M1AP: variants seen among roughly 807,000 people sequenced by gnomAD.
M1AP encodes the protein meiosis 1 arrest protein.
M1AP carries 39 observed loss-of-function variants against 51.2 expected under a neutral mutation model. That is an observed-to-expected ratio of 0.76 (90% CI 0.59 to 1.00). M1AP has a LOEUF of 1.00. M1AP is among the 50% of genes least tolerant of loss of function. The pLI, the probability that M1AP is intolerant of heterozygous loss-of-function variation, is 0.00. For synonymous variants in M1AP, 251 were observed against 249.2 expected, an observed-to-expected ratio of 1.01 and a Z score of -0.07; for missense variants, 545 against 641.2, an observed-to-expected ratio of 0.85 and a Z score of 1.62.
Position 74,562,869 on chromosome 2 carries a change from T to G in M1AP, c.1075-446A>C, listed in dbSNP as rs182251883. On this transcript the variant is annotated intron_variant, in intron 7 of 10. Transcript: ENST00000421985. The stretch of plus-strand genomic sequence containing the variant: ...AGATCAAGGCTTCAGTGAGCCATGA[T>G]TGTACCACTGCACTCCAGCCTGGGT... 8.5e-5 allele frequency among the ~76,000 whole-genome samples: 13 copies of G among 152,174 alleles called. No homozygotes were observed. The East Asian group carries it at 2.1e-3, about 25-fold the overall frequency.
At chr2:74,571,214 A>T (rs1462823067) in intron 7 of M1AP, among the ~76,000 whole-genome samples, 1 of 152,202 alleles carries the variant, frequency 6.6e-6, no homozygotes, top group East Asian at 1.9e-4. Context: ...CAGGAAGTAA[A>T]GGAGAGTTAC....
intron 2 of M1AP, chr2:74,628,554 C>G: frequency 3.8e-6 from 2 of 531,414 alleles, no homozygotes; most frequent in Non-Finnish European, 3.6e-6. Flanking sequence ...GACTGTAAGT[C>G]CCAATCAAAA....
intron 5 of M1AP, among the ~76,000 whole-genome samples, chr2:74,580,181 G>A (rs1161273308): frequency 6.6e-6 from 1 of 152,134 alleles, no homozygotes; most frequent in African/African-American, 2.4e-5. Flanking sequence ...AATGACATAT[G>A]GTAACAGTAT....
chr2:74,631,292 G>A (rs1398944012), intron 2 of M1AP, among the ~76,000 whole-genome samples: 4 of 151,878 alleles, frequency 2.6e-5, no homozygotes, highest in South Asian at 2.1e-4. Flanking sequence ...TCATGATTAG[G>A]AAGGCCTGTA....
intron 4 of M1AP, among the ~76,000 whole-genome samples, chr2:74,605,888 G>A (rs1396003857): frequency 2.0e-5 from 3 of 150,056 alleles, no homozygotes; most frequent in African/African-American, 2.5e-5. Context: ...GCAACAGAGC[G>A]AGACTCCATC....
chr2:74,631,249 T>C (rs1682686619), intron 2 of M1AP, among the ~76,000 whole-genome samples: 1 of 152,200 alleles, frequency 6.6e-6, no homozygotes, highest in African/African-American at 2.4e-5. Flanking sequence ...TTACTGTATA[T>C]TTTATTTTTA....
chr2:74,615,687 G>A (rs1367634541), intron 2 of M1AP: 1 of 153,602 alleles, frequency 6.5e-6, no homozygotes, highest in Admixed American at 6.4e-5. Flanking sequence ...TCAGCTTAAG[G>A]AGCCAACATG....
At chr2:74,609,653 T>A (rs1480333559) in intron 3 of M1AP, among the ~76,000 whole-genome samples, 1 of 152,244 alleles carries the variant, frequency 6.6e-6, no homozygotes, top group Non-Finnish European at 1.5e-5. Flanking sequence ...CCATAGTGGC[T>A]GTACTAATTT....
chr2:74,640,507 C>G (rs569521414), intron 1 of M1AP, among the ~76,000 whole-genome samples, 180 bp from the exon 2 acceptor site: 1 of 148,296 alleles, frequency 6.7e-6, no homozygotes, highest in East Asian at 2.0e-4. Context: ...TGTCACCAGG[C>G]TGGAGCGCAG....
intron 1 of M1AP, among the ~76,000 whole-genome samples, chr2:74,645,098 T>C (rs1177975800): frequency 1.3e-5 from 2 of 152,152 alleles, no homozygotes; most frequent in African/African-American, 4.8e-5. Context: ...CGTGAAGGTC[T>C]GCAGCTTCGC....
intron 6 of M1AP, 53 bp from the exon 7 acceptor site, chr2:74,575,632 A>C: frequency 3.7e-6 from 5 of 1,362,772 alleles, no homozygotes; most frequent in Non-Finnish European, 5.2e-6. Context: ...TAGAACCTCC[A>C]CCTAGATCCA....
At chr2:74,643,245 A>G (rs376110001) in intron 1 of M1AP, among the ~76,000 whole-genome samples, 2 of 152,212 alleles carry the variant, frequency 1.3e-5, no homozygotes, top group African/African-American at 4.8e-5. Context: ...ACAAATGTCA[A>G]TCTACATTAA....
At chr2:74,643,621 C>T (rs1258198055) in intron 1 of M1AP, among the ~76,000 whole-genome samples, 6 of 145,052 alleles carry the variant, frequency 4.1e-5, no homozygotes, top group Non-Finnish European at 6.0e-5. Flanking sequence ...GACAGGGTCT[C>T]GCTCCATCGC....
chr2:74,576,636 T>C lies in M1AP; in HGVS notation c.770-18A>G, dbSNP rs10182717. On this transcript the variant is annotated intron_variant, in intron 5 of 10. Coordinates refer to ENST00000421985, the MANE Select transcript of M1AP (RefSeq NM_001321739.2). Reference sequence around the variant, plus strand: ...CAGACACACTACAATAAAAGGAGATTACATTTCAGACACACTACAATTGGA... The same window carrying C: ...CAGACACACTACAATAAAAGGAGATCACATTTCAGACACACTACAATTGGA... 0.024 allele frequency: 38,422 copies of C among 1,612,922 alleles called. 2,879 individuals carry two copies. In the African/African-American group the frequency reaches 0.26, roughly 11 times the overall value.
intron 2 of M1AP, among the ~76,000 whole-genome samples, chr2:74,632,280 T>C (rs1302632591): frequency 1.3e-5 from 2 of 152,204 alleles, no homozygotes; most frequent in African/African-American, 4.8e-5. Flanking sequence ...TGCACTGCAG[T>C]CTCTGTAGGG....
intron 2 of M1AP, chr2:74,618,790 GA>G: frequency 3.8e-6 from 1 of 262,766 alleles, no homozygotes; most frequent in Non-Finnish European, 7.8e-6. Context: ...AAATGCCTCT[GA>G]AAGGCAAGGT....
rs1171590243 is a variant in M1AP, at chr2:74,640,132, GAAGT to G, written c.140_143del (p.Asn47ThrfsTer4). On this transcript the variant is annotated frameshift_variant, in exon 2 of 11. Transcript: ENST00000421985. LOFTEE classifies it high-confidence loss of function. The stretch of plus-strand genomic sequence containing the variant: ...CCATCAAGCTGCAGGCTAGAGAGAA[GAAGT>G]TCTGCAGAGCCTCACAGAGGTTGGT... The G allele has an allele frequency of 1.9e-6, 3 of 1,614,050 alleles. No homozygotes were observed. In the African/African-American group the frequency reaches 4.0e-5, roughly 22 times the overall value.
At chr2:74,646,347 A>C (rs1438543086) in intron 1 of M1AP, among the ~76,000 whole-genome samples, 1 of 152,240 alleles carries the variant, frequency 6.6e-6, no homozygotes, top group African/African-American at 2.4e-5. Context: ...AGTGGAGTTA[A>C]AGGAGAAACA....
intron 2 of M1AP, among the ~76,000 whole-genome samples, chr2:74,631,643 A>C (rs1159532612): frequency 6.6e-6 from 1 of 152,138 alleles, no homozygotes; most frequent in Non-Finnish European, 1.5e-5. Flanking sequence ...TAAGTTTTTT[A>C]TTATAAAAAA....
Sources: gnomAD v4.1 joint callset for allele counts (sites outside exome capture counted in the v4.1 genomes callset) on GRCh38, gnomAD v4.1.1 for gene constraint, MANE v1.5 for transcripts, NCBI Gene and HGNC (gene_info 2026-07-23, HGNC 2026-07-21) for gene names.